Variants in PITPNM2 observed in about 807,000 individuals in gnomAD.
PITPNM2 encodes the protein membrane-associated phosphatidylinositol transfer protein 2.
Under a neutral mutation model 132.2 loss-of-function variants are expected in PITPNM2, and 35 were observed. The ratio of observed to expected loss-of-function variants is 0.26; its 90% confidence interval spans 0.20 to 0.35. The LOEUF is 0.35. Ranked by LOEUF, PITPNM2 falls within the 10% of genes least tolerant of loss-of-function variation. The probability of loss-of-function intolerance (pLI) is 1.00; values close to 1 mark genes in which losing one functional copy is unlikely to be tolerated. For missense variants in PITPNM2, 1,332 were observed against 1,912.0 expected, an observed-to-expected ratio of 0.70 and a Z score of 5.66; for synonymous variants, 738 against 799.2, an observed-to-expected ratio of 0.92 and a Z score of 1.29.
intron 2 of PITPNM2, among the ~76,000 whole-genome samples, chr12:123,073,052 G>C (rs1420731096): frequency 6.6e-6 from 1 of 152,164 alleles, no homozygotes; most frequent in African/African-American, 2.4e-5. Flanking sequence ...TCCCCTTCAG[G>C]GATGGCCAGC....
chr12:123,002,069 G>T (rs567688655), intron 8 of PITPNM2, among the ~76,000 whole-genome samples: 1 of 151,736 alleles, frequency 6.6e-6, no homozygotes, highest in African/African-American at 2.4e-5. Flanking sequence ...CAGGGGTGGT[G>T]GTTCACGTCT....
Position 122,992,723 on chromosome 12 carries a change from T to G in PITPNM2, c.2234-54A>C. ...TGGGGCTGGCCCTGAGGAGCAGTGG[T>G]GGGGGTGGGAAATTTGGGAACTGGG... On this transcript the variant is annotated intron_variant, in intron 15 of 25. Transcript: ENST00000320201. This position sits in a 1 kb window ranked among gnomAD's most constrained non-coding sequence, Gnocchi z 6.5. 1.9e-5 allele frequency: 24 copies of G among 1,268,720 alleles called. No homozygotes were observed. The highest frequency in any genetic ancestry group is 2.7e-5 in the East Asian group (1 of 36,454). The allele number at this position is 1,268,720 out of a possible 1,614,324, so 78.6% of individuals were successfully genotyped here. A position where few individuals can be genotyped will look rare whatever the true frequency, so the allele number is the denominator to read the frequency against.
At chr12:123,104,589 G>C (rs2042650661) in intron 2 of PITPNM2, among the ~76,000 whole-genome samples, 1 of 151,856 alleles carries the variant, frequency 6.6e-6, no homozygotes, top group Admixed American at 6.6e-5. Context: ...CCCCCACTGA[G>C]CACCTTGCGA....
rs1053447813 is a variant in PITPNM2, at chr12:122,984,228, G to GGGCCC, written c.*1794_*1798dup. 3.3e-5 allele frequency: 5 copies of GGGCCC among 152,618 alleles called. No homozygotes were observed. Among genetic ancestry groups the GGGCCC allele is most frequent in the African/African-American group, 7.2e-5 (3 of 41,470 alleles). 9.5% of individuals were successfully genotyped at this position (152,618 alleles called of 1,614,324 possible). On this transcript the variant is annotated 3_prime_UTR_variant, in exon 26 of 26. Transcript: ENST00000320201. ...GGGCCTCCCGGCCTTTATTGCAGGA[G>GGGCCC]GGCCCGAGACTCTTCCAGGTGCTTC... is the stretch of plus-strand genomic sequence containing the variant.
intron 5 of PITPNM2, among the ~76,000 whole-genome samples, chr12:123,012,164 C>T (rs531134522): frequency 6.6e-6 from 1 of 152,362 alleles, no homozygotes; most frequent in South Asian, 2.1e-4. Context: ...ACATCCTTAT[C>T]ACTGGCTTCT....
chr12:123,107,136 C>G (rs1463515617), intron 2 of PITPNM2, among the ~76,000 whole-genome samples: 1 of 152,222 alleles, frequency 6.6e-6, no homozygotes, highest in Non-Finnish European at 1.5e-5. Context: ...CATGAGCTCT[C>G]TTTCTCCTCA....
intron 2 of PITPNM2, among the ~76,000 whole-genome samples, chr12:123,061,809 T>C (rs573742873): frequency 1.3e-5 from 2 of 151,828 alleles, no homozygotes; most frequent in South Asian, 4.2e-4. Context: ...GCCGACAGAG[T>C]TTGGACAAAG....
chr12:123,142,219 T>A (rs1426886986), intron 1 of PITPNM2, among the ~76,000 whole-genome samples: 1 of 152,198 alleles, frequency 6.6e-6, no homozygotes, highest in Non-Finnish European at 1.5e-5. Context: ...TGCATACTAA[T>A]GGCAAGAATC....
chr12:123,004,515 C>T lies in PITPNM2; in HGVS notation c.953-26G>A, dbSNP rs370725400. ...CTGGAAGGCAAAACCCCAGATTGAC[C>T]GCCAACTGGAGAGGAAGGGCCCAGA... On this transcript the variant is annotated intron_variant, in intron 7 of 25. Coordinates refer to ENST00000320201, the MANE Select transcript of PITPNM2 (RefSeq NM_020845.3). This position sits in a 1 kb window ranked among gnomAD's most constrained non-coding sequence, Gnocchi z 4.9. 48 of 1,609,880 alleles carry T rather than the reference C, an allele frequency of 3.0e-5. No homozygotes were observed. The highest frequency in any genetic ancestry group is 1.4e-4 in the South Asian group (13 of 90,846).
Position 123,082,260 on chromosome 12 carries a change from A to G in PITPNM2, c.-96+28125T>C, listed in dbSNP as rs916700984. 6.6e-6 allele frequency among the ~76,000 whole-genome samples: 1 copy of G among 152,044 alleles called. No individual in the cohort carries two copies. Among genetic ancestry groups the G allele is most frequent in the East Asian group, 1.9e-4 (1 of 5,190 alleles). On this transcript the variant is annotated intron_variant, in intron 2 of 25. Transcript: ENST00000320201. The surrounding 1 kb of genome is among the most constrained non-coding windows in gnomAD (Gnocchi z 5.4). The stretch of plus-strand genomic sequence containing the variant: ...CCCCTCTGCTCAAGGGCCCCTTCTC[A>G]CTAAGGCCTTCCTTGACACCCTGAT...
chr12:123,148,388 C>T (rs1355438636), intron 1 of PITPNM2, among the ~76,000 whole-genome samples: 1 of 152,170 alleles, frequency 6.6e-6, no homozygotes, highest in Non-Finnish European at 1.5e-5. Context: ...ACTACGCTTA[C>T]ATTAAAGAGC....
chr12:123,151,629 G>A (rs184442055), upstream of PITPNM2, among the ~76,000 whole-genome samples: 4 of 152,064 alleles, frequency 2.6e-5, no homozygotes, highest in Non-Finnish European at 5.9e-5. Context: ...CAGCCGTCCC[G>A]GTCCCCACCT....
At chr12:123,046,976 C>A (rs1433329071) in intron 2 of PITPNM2, among the ~76,000 whole-genome samples, 1 of 152,174 alleles carries the variant, frequency 6.6e-6, no homozygotes, top group Non-Finnish European at 1.5e-5. Flanking sequence ...AATTTATATA[C>A]ATATGCACCC....
chr12:123,019,065 T>C (rs1033513410), intron 3 of PITPNM2, among the ~76,000 whole-genome samples: 1 of 152,222 alleles, frequency 6.6e-6, no homozygotes, highest in Non-Finnish European at 1.5e-5. Flanking sequence ...ATTACAGGAA[T>C]GAGCCACCGT....
chr12:123,107,634 A>C (rs1220735759), intron 2 of PITPNM2, among the ~76,000 whole-genome samples: 1 of 151,980 alleles, frequency 6.6e-6, no homozygotes, highest in Non-Finnish European at 1.5e-5. Context: ...GCCTCCCTCC[A>C]CCCCATGACT....
intron 2 of PITPNM2, chr12:123,105,564 A>C (rs2042689225): frequency 6.6e-6 from 1 of 152,236 alleles, no homozygotes. Context: ...GAAACAAAGA[A>C]AGGAAGTGAC....
intron 5 of PITPNM2, among the ~76,000 whole-genome samples, chr12:123,010,468 G>A (rs2039140602): frequency 6.6e-6 from 1 of 152,178 alleles, no homozygotes; most frequent in Admixed American, 6.5e-5. Context: ...ATAAGGCAAT[G>A]AGGAAACACT....
chr12:123,026,765 G>A (rs2039875069), intron 3 of PITPNM2, among the ~76,000 whole-genome samples: 1 of 152,250 alleles, frequency 6.6e-6, no homozygotes. Flanking sequence ...GGTCTAGGGA[G>A]GATGCCTCCT....
rs1366283414 is a variant in PITPNM2 at position 123,036,242 on chromosome 12, C to G, written c.-95-1557G>C. On this transcript the variant is annotated intron_variant, in intron 2 of 25. Coordinates refer to ENST00000320201, the MANE Select transcript of PITPNM2 (RefSeq NM_020845.3). The surrounding 1 kb of genome is among the most constrained non-coding windows in gnomAD (Gnocchi z 4.1). ...TGAGAAAAACATTTATCAGAACTCTCAGGAATACCAGTAGACAGGGTTAAA... is the reference window on the plus strand; with the variant it reads ...TGAGAAAAACATTTATCAGAACTCTGAGGAATACCAGTAGACAGGGTTAAA... 1.3e-5 allele frequency among the ~76,000 whole-genome samples: 2 copies of G among 152,186 alleles called. No individual in the cohort carries two copies. Among genetic ancestry groups the G allele is most frequent in the Admixed American group, 6.5e-5 (1 of 15,280 alleles).
Sources: gnomAD v4.1 joint callset for allele counts (sites outside exome capture counted in the v4.1 genomes callset) on GRCh38, gnomAD v4.1.1 for gene constraint, Gnocchi (gnomAD v3.1) non-coding constraint, MANE v1.5 for transcripts, NCBI Gene and HGNC (gene_info 2026-07-23, HGNC 2026-07-21) for gene names.